The following CALM2 variants were observed in gnomAD, a reference collection of about 807,000 sequenced individuals.
The protein encoded by CALM2 is calmodulin-2.
A neutral mutation model predicts 19.8 loss-of-function variants in CALM2; 2 were observed. The ratio of observed to expected loss-of-function variants is 0.10; its 90% CI spans 0.04 to 0.32. The LOEUF is 0.32. CALM2 is among the 10% of genes least tolerant of loss of function. The probability of loss-of-function intolerance (pLI) is 1.00; values close to 1 mark genes in which losing one functional copy is unlikely to be tolerated. For synonymous variants in CALM2, 51 were observed against 52.1 expected (o/e 0.98, Z 0.09); for missense variants, 38 against 178.7 (o/e 0.21, Z 4.49).
intron 2 of CALM2, chr2:47,167,716 A>AAAAAAAAAAC (rs1666525945): frequency 6.9e-6 from 1 of 144,282 alleles, no homozygotes; most frequent in East Asian, 2.0e-4. Context: ...AAAAAAAAAA[A>AAAAAAAAAAC]AAAAAAAAAA....
Position 47,172,660 on chromosome 2 carries a change from C to T in CALM2, c.4-1896G>A, listed in dbSNP as rs1286573764. 5 of 334,088 alleles carry T rather than the reference C, an allele frequency of 1.5e-5. No individual in the cohort carries two copies. The Admixed American group carries it at 2.3e-4, about 15-fold the overall frequency. 20.7% of individuals were successfully genotyped at this position (334,088 alleles called of 1,614,324 possible). A position where few individuals can be genotyped will look rare whatever the true frequency, so the allele number is the denominator to read the frequency against. ...TTATGCAAACTAAATCCACAAGGTG[C>T]AACCCAGCGACAGATGCAGCGGACA... On this transcript the variant is annotated intron_variant, in intron 1 of 5. Transcript: ENST00000272298.
At chr2:47,176,583 A>G, upstream of CALM2, 1 of 1,545,678 alleles carries the variant, frequency 6.5e-7, no homozygotes, top group Non-Finnish European at 8.7e-7. Context: ...CATCCAGATA[A>G]CGGAACATCG....
intron 1 of CALM2, 76 bp downstream of exon 1, chr2:47,176,365 T>C: frequency 7.0e-6 from 11 of 1,567,220 alleles, no homozygotes; most frequent in Non-Finnish European, 9.6e-6. Flanking sequence ...GGGAGGCGAG[T>C]TTCCTTTGTT....
chr2:47,173,912 C>A (rs983750023), intron 1 of CALM2: 1 of 152,164 alleles, frequency 6.6e-6, no homozygotes, highest in African/African-American at 2.4e-5. Context: ...ACCAAAAGAT[C>A]ACTGGAACAA....
At chr2:47,165,445 T>C (rs1041635208) in intron 2 of CALM2, among the ~76,000 whole-genome samples, 3 of 152,198 alleles carry the variant, frequency 2.0e-5, no homozygotes, top group Non-Finnish European at 4.4e-5. Context: ...GTCAAACACT[T>C]AGAACTATGT....
At chr2:47,173,045 C>G (rs886615326) in intron 1 of CALM2, 2 of 152,122 alleles carry the variant, frequency 1.3e-5, no homozygotes, top group East Asian at 3.9e-4. Context: ...ACCCAAGAGA[C>G]CAAATTACTC....
intron 2 of CALM2, chr2:47,167,373 T>C (rs1666509624): frequency 6.6e-6 from 1 of 152,190 alleles, no homozygotes; most frequent in Non-Finnish European, 1.5e-5. Context: ...CATACTAGAC[T>C]GGAATGCTTT....
In CALM2 at chr2:47,160,660, T is replaced by G. The variant is rs548616713; in HGVS notation, c.*116A>C. On this transcript the variant is annotated 3_prime_UTR_variant, in exon 6 of 6. Transcript: ENST00000272298. ...CATGGAGGAATGAAGTCCTAATTAC[T>G]ATACATGCATATTTTTTTGACAGTA... 17 of 583,278 alleles carry G rather than the reference T, an allele frequency of 2.9e-5. No individual in the cohort carries two copies. The highest frequency in any genetic ancestry group is 4.3e-5 in the Non-Finnish European group (14 of 326,472). 36.1% of individuals were successfully genotyped at this position (583,278 alleles called of 1,614,324 possible).
At chr2:47,170,882 CAA>C (rs1298037934) in intron 1 of CALM2, 118 bp from the exon 2 acceptor site, 1 of 805,340 alleles carries the variant, frequency 1.2e-6, no homozygotes, top group Non-Finnish European at 2.2e-6. Flanking sequence ...GTTCCAGCAA[CAA>C]ACACATCTGG....
chr2:47,176,538 T>G, upstream of CALM2: 1 of 1,576,074 alleles, frequency 6.3e-7, no homozygotes, highest in Non-Finnish European at 8.6e-7. Context: ...CCCCAGCGCC[T>G]CATAAACACC....
intron 2 of CALM2, among the ~76,000 whole-genome samples, chr2:47,167,092 C>A (rs966094864): frequency 6.6e-6 from 1 of 152,162 alleles, no homozygotes; most frequent in Non-Finnish European, 1.5e-5. Context: ...TTATTAACTT[C>A]TATTTCTTCA....
At chr2:47,172,481 A>G (rs981643759) in intron 1 of CALM2, 97 of 1,193,364 alleles carry the variant, frequency 8.1e-5, no homozygotes, top group Non-Finnish European at 1.1e-4. Context: ...AATGATAACC[A>G]TTATTTCATA....
At chr2:47,168,165 G>A (rs1666550332) in intron 2 of CALM2, among the ~76,000 whole-genome samples, 1 of 152,056 alleles carries the variant, frequency 6.6e-6, no homozygotes, top group Non-Finnish European at 1.5e-5. Flanking sequence ...AAAGGTCCCT[G>A]ACCGCACATG....
chr2:47,176,924 T>G (rs56742913), upstream of CALM2: 2,241 of 985,454 alleles, frequency 2.3e-3, 42 homozygotes, highest in African/African-American at 0.034. Flanking sequence ...CGGGCCGCGC[T>G]GTCCTGGCAA....
At chr2:47,176,576 C>G (rs1213360464), upstream of CALM2, 6 of 1,549,024 alleles carry the variant, frequency 3.9e-6, no homozygotes, top group South Asian at 2.4e-5. Context: ...TCCGCCGCAT[C>G]CAGATAACGG....
intron 1 of CALM2, chr2:47,174,141 G>A (rs369054479): frequency 1.1e-4 from 16 of 152,172 alleles, no homozygotes; most frequent in Admixed American, 9.8e-4. Flanking sequence ...AAGTCCTCTT[G>A]AAGCAATCCC....
intron 2 of CALM2, chr2:47,163,169 G>A (rs1481166206): frequency 6.5e-6 from 1 of 153,420 alleles, no homozygotes; most frequent in Non-Finnish European, 1.5e-5. Context: ...TGTATACTGT[G>A]TTTAGAGTTA....
chr2:47,174,477 G>A (rs73926763), intron 1 of CALM2, among the ~76,000 whole-genome samples: 3,470 of 152,058 alleles, frequency 0.023, 135 homozygotes, highest in African/African-American at 0.079. Flanking sequence ...AAAGTTATGT[G>A]AAGGCAATTT....
rs749288383 is a variant in CALM2 at position 47,176,432 on chromosome 2, T to G, written c.3+9A>C. The G allele has an allele frequency of 1.9e-6, 3 of 1,613,282 alleles. No individual in the cohort carries two copies. Among genetic ancestry groups the G allele is most frequent in the African/African-American group, 1.3e-5 (1 of 74,912 alleles). On this transcript the variant is annotated intron_variant, in intron 1 of 5. Coordinates refer to ENST00000272298, the MANE Select transcript of CALM2 (RefSeq NM_001743.6). ...AGGCCCAGCGCCGGCAGCTCAGCGA[T>G]GCACTCACCATGCTGCAAGCGCTAC... is the stretch of plus-strand genomic sequence containing the variant.
Sources: gnomAD v4.1 joint callset for allele counts (sites outside exome capture counted in the v4.1 genomes callset) on GRCh38, gnomAD v4.1.1 for gene constraint, MANE v1.5 for transcripts, NCBI Gene and HGNC (gene_info 2026-07-23, HGNC 2026-07-21) for gene names.